The following MYO9A variants were observed in gnomAD, a reference collection of about 807,000 sequenced individuals.
MYO9A encodes the protein myosin IXA, also known as unconventional myosin-IXa.
A neutral mutation model predicts 293.3 loss-of-function variants in MYO9A; 103 were observed. That is an observed-to-expected ratio of 0.35 (90% CI 0.30 to 0.41). The LOEUF (loss-of-function observed/expected upper bound fraction) is 0.41. Among genes scored for constraint, MYO9A ranks in the 10% least tolerant of loss-of-function variants. The probability of loss-of-function intolerance (pLI) is 1.00; values close to 1 mark genes in which losing one functional copy is unlikely to be tolerated. For synonymous variants in MYO9A, 1,001 were observed against 1,035.7 expected (o/e 0.97, Z 0.64); for missense variants, 2,685 against 3,033.0 (o/e 0.89, Z 2.69).
chr15:71,925,855 T>C (rs1363533047), intron 18 of MYO9A, among the ~76,000 whole-genome samples: 1 of 152,226 alleles, frequency 6.6e-6, no homozygotes, highest in Non-Finnish European at 1.5e-5. Context: ...GAAAGTGAAA[T>C]TACCTCTAAC....
intron 39 of MYO9A, among the ~76,000 whole-genome samples, chr15:71,831,304 TTTA>T (rs1228230592): frequency 6.6e-6 from 1 of 152,238 alleles, no homozygotes; most frequent in East Asian, 1.9e-4. Context: ...ATCTCATTAA[TTTA>T]TTGTTTATTG....
intron 14 of MYO9A, among the ~76,000 whole-genome samples, chr15:71,953,978 C>T (rs956539892): frequency 1.3e-5 from 2 of 152,000 alleles, no homozygotes; most frequent in South Asian, 4.2e-4. Flanking sequence ...TCACTGCACC[C>T]TCTGCATCCC....
In MYO9A at chr15:72,090,470, C is replaced by T. The variant is rs1301459034; in HGVS notation, c.-72+27210G>A. ...ATAGACAAGTGCTTCATCCTATCAG[C>T]CTAACAACCTATAAATGTCCCTGTT... On this transcript the variant is annotated intron_variant, in intron 1 of 41. Coordinates refer to ENST00000356056, the MANE Select transcript of MYO9A (RefSeq NM_006901.4). 3.9e-5 allele frequency among the ~76,000 whole-genome samples: 6 copies of T among 152,238 alleles called. No homozygotes were observed. The East Asian group carries it at 5.8e-4, about 15-fold the overall frequency.
intron 32 of MYO9A, among the ~76,000 whole-genome samples, chr15:71,874,382 G>T (rs1163494676): frequency 6.6e-6 from 1 of 152,162 alleles, no homozygotes; most frequent in Non-Finnish European, 1.5e-5. Flanking sequence ...AGGAGGAGGG[G>T]AAGTGGGAAG....
intron 6 of MYO9A, among the ~76,000 whole-genome samples, chr15:72,018,350 C>G (rs28452511): frequency 0.023 from 3,503 of 152,192 alleles, 131 homozygotes; most frequent in African/African-American, 0.08. Context: ...CGCCTGTAAT[C>G]CCAGCTACTT....
chr15:71,880,385 T>C lies in MYO9A; in HGVS notation c.5572A>G (p.Ile1858Val), dbSNP rs368616256. ...CTTTTTAAATCACTGACACTTGCTA[T>C]GATCTGGACAGAGTCATTTTGCCAA... The part of the protein sequence containing the change: ...MHWQNDSVQI[I>V]ASVSDLKSMD... The change falls in exon 29 of 42, where the codon ATA becomes GTA. Residue 1858 changes from isoleucine to valine, a missense_variant. Around this residue, in one of 10 missense-constraint regions of MYO9A, gnomAD observed 1,434 missense variants for 1,497.7 expected, o/e 0.96. Coordinates refer to ENST00000356056, the MANE Select transcript of MYO9A (RefSeq NM_006901.4). 5 of 1,614,108 alleles carry C rather than the reference T, an allele frequency of 3.1e-6. No homozygotes were observed. The highest frequency in any genetic ancestry group is 4.2e-6 in the Non-Finnish European group (5 of 1,180,026).
In MYO9A at chr15:71,997,586, G is replaced by A. The variant is rs1029586992; in HGVS notation, c.1470+2265C>T. ...TGCACTCCAGCCCAGGTAAGAGTGC[G>A]AGACTCGTCTCAAAAAAAATAAATG... On this transcript the variant is annotated intron_variant, in intron 9 of 41. Transcript: ENST00000356056. Among the ~76,000 whole-genome samples the A allele has an allele frequency of 6.6e-5, 10 of 151,788 alleles. No individual in the cohort carries two copies. In the South Asian group the frequency reaches 1.0e-3, roughly 16 times the overall value.
intron 1 of MYO9A, among the ~76,000 whole-genome samples, chr15:72,097,919 A>T (rs548393736): frequency 1.7e-4 from 26 of 152,226 alleles, no homozygotes; most frequent in Non-Finnish European, 2.9e-4. Flanking sequence ...AAAAATAAAT[A>T]AATAAAATAA....
intron 14 of MYO9A, 151 bp from the exon 15 acceptor site, chr15:71,952,047 C>T: frequency 1.3e-6 from 1 of 783,202 alleles, no homozygotes; most frequent in African/African-American, 1.8e-5. Flanking sequence ...ATGTGAATGT[C>T]CAATTATTTT....
At position 72,077,043 on chromosome 15, in the gene MYO9A, C is replaced by T. The variant is rs867156523; in HGVS notation, c.-71-30409G>A. ...ACTACATCCAAAAAAAAAAAAATCT[C>T]AACACAGACCTTACACGTTTCACCA... On this transcript the variant is annotated intron_variant, in intron 1 of 41. Transcript: ENST00000356056. Among the ~76,000 whole-genome samples the T allele has an allele frequency of 8.3e-4, 126 of 151,172 alleles. 2 individuals are homozygous for T. Among genetic ancestry groups the T allele is most frequent in the Admixed American group, 3.7e-3 (56 of 15,168 alleles).
intron 32 of MYO9A, among the ~76,000 whole-genome samples, chr15:71,870,020 A>G (rs1017743591): frequency 2.0e-5 from 3 of 152,172 alleles, no homozygotes; most frequent in Admixed American, 6.5e-5. Context: ...CTTCTCTTGC[A>G]TCTATAAATG....
intron 18 of MYO9A, among the ~76,000 whole-genome samples, chr15:71,928,941 T>C (rs2058400367): frequency 6.6e-6 from 1 of 151,418 alleles, no homozygotes; most frequent in Non-Finnish European, 1.5e-5. Flanking sequence ...TGTGGTAGCA[T>C]GCACCTGCAG....
intron 8 of MYO9A, 136 bp from the exon 9 acceptor site, chr15:72,000,076 G>T: frequency 3.5e-6 from 2 of 565,400 alleles, no homozygotes; most frequent in Non-Finnish European, 5.8e-6. Flanking sequence ...GCAATACACT[G>T]GGCAATTTTA....
intron 13 of MYO9A, among the ~76,000 whole-genome samples, chr15:71,963,624 A>AT (rs1000953779): frequency 9.3e-5 from 14 of 151,288 alleles, no homozygotes; most frequent in African/African-American, 3.2e-4. Context: ...CTAATTTTCT[A>AT]TTTTTTTAGT....
At chr15:71,862,114 G>A (rs2056158471) in intron 33 of MYO9A, among the ~76,000 whole-genome samples, 1 of 152,088 alleles carries the variant, frequency 6.6e-6, no homozygotes, top group South Asian at 2.1e-4. Flanking sequence ...CCTGGGCGAT[G>A]GAGCAAGACA....
rs1478424528 is a variant in MYO9A at position 71,956,356 on chromosome 15, ACGCCCAG to A, written c.2182+3538_2182+3544del. Among the ~76,000 whole-genome samples the A allele has an allele frequency of 3.0e-3, 238 of 79,782 alleles. 1 individual carries two copies. The Middle Eastern group carries it at 0.049, about 16-fold the overall frequency. The allele number at this position is 79,782 out of a possible 152,430, so 52.3% of individuals were successfully genotyped here. Reference sequence around the variant, plus strand: ...ATATATATATATATATATATAAAATACGCCCAGCGTGGTGGCTCACGCCTGTAATCCC... The same window carrying A: ...ATATATATATATATATATATAAAATACGTGGTGGCTCACGCCTGTAATCCC... On this transcript the variant is annotated intron_variant, in intron 14 of 41. Transcript: ENST00000356056.
chr15:71,865,945 G>T (rs1433442268), intron 32 of MYO9A, among the ~76,000 whole-genome samples: 3 of 152,132 alleles, frequency 2.0e-5, no homozygotes, highest in African/African-American at 7.2e-5. Context: ...ATATTAAAGA[G>T]ATGTGAATTC....
chr15:71,845,711 T>C (rs937236237), intron 39 of MYO9A, among the ~76,000 whole-genome samples: 1 of 152,196 alleles, frequency 6.6e-6, no homozygotes, highest in African/African-American at 2.4e-5. Context: ...CTTCATGTCA[T>C]TGAACAAGAG....
intron 1 of MYO9A, among the ~76,000 whole-genome samples, chr15:72,087,615 T>TC (rs2079781646): frequency 6.6e-6 from 1 of 152,120 alleles, no homozygotes; most frequent in Non-Finnish European, 1.5e-5. Flanking sequence ...TCCTCCCACT[T>TC]CATCCCAACA....
Sources: allele counts gnomAD v4.1 joint callset (sites outside exome capture counted in the v4.1 genomes callset), GRCh38; gene constraint gnomAD v4.1.1; regional missense constraint gnomAD v4.1.1; transcripts MANE v1.5; gene names NCBI Gene and HGNC (gene_info 2026-07-23, HGNC 2026-07-21).